Variants in FHIT observed in about 807,000 individuals in gnomAD.
FHIT encodes the protein bis(5'-adenosyl)-triphosphatase.
FHIT carries 19 observed loss-of-function variants against 17.9 expected under a neutral mutation model. The observed-to-expected ratio is 1.06, with a 90% CI of 0.74 to 1.56. FHIT has a LOEUF of 1.56. Ranked by LOEUF, FHIT falls within the 40% of genes most tolerant of loss-of-function variation. The probability of loss-of-function intolerance (pLI) is 0.00; values close to 1 mark genes in which losing one functional copy is unlikely to be tolerated. For missense variants in FHIT, 248 were observed against 189.2 expected, an observed-to-expected ratio of 1.31 and a Z score of -1.82; for synonymous variants, 81 against 69.7, an observed-to-expected ratio of 1.16 and a Z score of -0.81.
intron 8 of FHIT, among the ~76,000 whole-genome samples, chr3:59,808,096 C>CG (rs1375750160): frequency 6.6e-6 from 1 of 152,138 alleles, no homozygotes; most frequent in African/African-American, 2.4e-5. Flanking sequence ...TTCCCCTACC[C>CG]CCCCAGTCCC....
rs182729613 is a variant in FHIT, at chr3:60,408,527, A to T, written c.103+128333T>A. Among the ~76,000 whole-genome samples, 863 of 152,308 alleles carry T rather than the reference A, an allele frequency of 5.7e-3. 5 individuals are homozygous for T. The highest frequency in any genetic ancestry group is 0.017 in the Middle Eastern group (5 of 294). ...GGTCTTTACTGATCAATGATAGAGG[A>T]TGAGGAAAAAGAAGAAAGGAAAAAG... On this transcript the variant is annotated intron_variant, in intron 5 of 9. Transcript: ENST00000492590.
intron 4 of FHIT, among the ~76,000 whole-genome samples, chr3:60,710,809 C>A (rs2041506817): frequency 2.0e-5 from 3 of 152,196 alleles, no homozygotes; most frequent in Admixed American, 2.0e-4. Flanking sequence ...ATCAAGGAGG[C>A]CTGCCTGCCT....
At chr3:60,746,589 A>G (rs1469933158) in intron 4 of FHIT, among the ~76,000 whole-genome samples, 2 of 152,144 alleles carry the variant, frequency 1.3e-5, no homozygotes, top group Non-Finnish European at 2.9e-5. Context: ...TGGAAAAAGG[A>G]AGAGAGAGTA....
chr3:59,994,720 C>G (rs1699433348), intron 7 of FHIT, among the ~76,000 whole-genome samples: 1 of 151,996 alleles, frequency 6.6e-6, no homozygotes, highest in South Asian at 2.1e-4. Flanking sequence ...TGTGTGGTAC[C>G]AAATCCAAAG....
intron 4 of FHIT, among the ~76,000 whole-genome samples, chr3:60,669,008 T>A (rs2040449913): frequency 6.6e-6 from 1 of 152,228 alleles, no homozygotes; most frequent in Non-Finnish European, 1.5e-5. Flanking sequence ...TTTAATTGCA[T>A]ATTTCCATTC....
At chr3:60,204,591 T>C (rs1339347348) in intron 5 of FHIT, among the ~76,000 whole-genome samples, 2 of 120,476 alleles carry the variant, frequency 1.7e-5, no homozygotes, top group Non-Finnish European at 3.8e-5. Flanking sequence ...CTTCCCAGCC[T>C]GAAAAGGTAT....
intron 8 of FHIT, among the ~76,000 whole-genome samples, chr3:59,916,416 C>G (rs1705137978): frequency 6.6e-6 from 1 of 152,062 alleles, no homozygotes; most frequent in African/African-American, 2.4e-5. Flanking sequence ...TTGCAGATGG[C>G]CTATTGTGGG....
chr3:60,889,610 G>A (rs73095287), intron 3 of FHIT, among the ~76,000 whole-genome samples: 13,300 of 152,242 alleles, frequency 0.087, 670 homozygotes, highest in African/African-American at 0.14. Context: ...AGTGAGGACT[G>A]TAGCTTAGAA....
intron 5 of FHIT, among the ~76,000 whole-genome samples, chr3:60,516,568 G>C (rs2035166788): frequency 6.6e-6 from 1 of 152,146 alleles, no homozygotes; most frequent in African/African-American, 2.4e-5. Context: ...CCACTTAATA[G>C]CTGTTTGGTC....
intron 4 of FHIT, among the ~76,000 whole-genome samples, chr3:60,622,306 G>GT (rs113284569): frequency 0.014 from 2,172 of 152,188 alleles, 61 homozygotes; most frequent in African/African-American, 0.05. Flanking sequence ...GTTTCCATTT[G>GT]CCCCTTCCTT....
chr3:61,045,878 C>A (rs570261306), intron 2 of FHIT, among the ~76,000 whole-genome samples: 1 of 152,220 alleles, frequency 6.6e-6, no homozygotes, highest in African/African-American at 2.4e-5. Context: ...ACAACCTGCT[C>A]CTAAATGACT....
At chr3:60,035,702 A>C (rs17061900) in intron 5 of FHIT, among the ~76,000 whole-genome samples, 6,282 of 152,226 alleles carry the variant, frequency 0.041, 447 homozygotes, top group African/African-American at 0.14. Context: ...GCTTGCTAGG[A>C]TGGGTCCCAA....
chr3:60,569,726 T>TATATATATATATATATATATAC (rs1559547434), intron 4 of FHIT, among the ~76,000 whole-genome samples: 7 of 9,524 alleles, frequency 7.3e-4, no homozygotes, highest in African/African-American at 2.1e-3. Context: ...TTATTAATAC[T>TATATATATATATATATATATAC]ATATATATAT....
intron 5 of FHIT, among the ~76,000 whole-genome samples, chr3:60,427,306 A>G (rs1225459573): frequency 6.6e-6 from 1 of 152,030 alleles, no homozygotes; most frequent in African/African-American, 2.4e-5. Context: ...TACAATCACA[A>G]GGAAACAGAT....
chr3:60,553,748 C>G (rs545338690), intron 4 of FHIT, among the ~76,000 whole-genome samples: 4 of 152,054 alleles, frequency 2.6e-5, no homozygotes, highest in South Asian at 2.1e-4. Flanking sequence ...TGATGAATAT[C>G]TAAAACACCA....
At chr3:60,952,038 C>A (rs1490710616) in intron 3 of FHIT, among the ~76,000 whole-genome samples, 5 of 151,932 alleles carry the variant, frequency 3.3e-5, no homozygotes, top group Non-Finnish European at 7.4e-5. Flanking sequence ...TGGTGGCGGG[C>A]ACCTGTAATC....
chr3:60,228,273 G>A (rs1704310986), intron 5 of FHIT, among the ~76,000 whole-genome samples: 1 of 152,148 alleles, frequency 6.6e-6, no homozygotes, highest in African/African-American at 2.4e-5. Context: ...CAGACACAGA[G>A]CAAAGAAAAT....
At position 60,089,322 on chromosome 3, in the gene FHIT, G is replaced by GT. The variant is rs578131627; in HGVS notation, c.104-75171dup. Among the ~76,000 whole-genome samples, 64 of 151,958 alleles carry GT rather than the reference G, an allele frequency of 4.2e-4. 1 individual carries two copies. In the South Asian group the frequency reaches 0.01, roughly 25 times the overall value. On this transcript the variant is annotated intron_variant, in intron 5 of 9. Coordinates refer to ENST00000492590, the MANE Select transcript of FHIT (RefSeq NM_002012.4). Reference sequence around the variant, plus strand: ...ATTAAACTTTTTAGTATATTTTTGGGTTTTTTTTGTTGTTGGTGGTATCCT... The same window carrying GT: ...ATTAAACTTTTTAGTATATTTTTGGGTTTTTTTTTGTTGTTGGTGGTATCCT...
chr3:59,788,056 C>T (rs1235198805), intron 8 of FHIT, among the ~76,000 whole-genome samples: 1 of 152,130 alleles, frequency 6.6e-6, no homozygotes, highest in African/African-American at 2.4e-5. Context: ...GACATTGGCC[C>T]TTCTGGGGCT....
Sources: allele counts gnomAD v4.1 joint callset (sites outside exome capture counted in the v4.1 genomes callset), GRCh38; gene constraint gnomAD v4.1.1; transcripts MANE v1.5; gene names NCBI Gene and HGNC (gene_info 2026-07-23, HGNC 2026-07-21).